Variants in DENND2A observed in about 807,000 individuals in gnomAD.
DENND2A encodes the protein DENN domain-containing protein 2A.
In DENND2A, 53 loss-of-function variants were observed where a neutral mutation model predicts 105.3. The ratio of observed to expected loss-of-function variants is 0.50; its 90% CI spans 0.40 to 0.63. The LOEUF (loss-of-function observed/expected upper bound fraction) is 0.63, where lower values mean the gene tolerates loss of function less well. Ranked by LOEUF, DENND2A falls within the 30% of genes least tolerant of loss-of-function variation. DENND2A has a pLI of 0.00. For synonymous variants in DENND2A, 522 were observed against 508.4 expected, an observed-to-expected ratio of 1.03 and a Z score of -0.36; for missense variants, 1,138 against 1,279.6, an observed-to-expected ratio of 0.89 and a Z score of 1.69.
intron 14 of DENND2A, among the ~76,000 whole-genome samples, chr7:140,541,385 C>T (rs1796651736): frequency 6.6e-6 from 1 of 152,124 alleles, no homozygotes; most frequent in African/African-American, 2.4e-5. Flanking sequence ...CATCTTCACC[C>T]CGCAGGCACG....
intron 18 of DENND2A, among the ~76,000 whole-genome samples, chr7:140,520,590 G>A (rs563166985): frequency 7.9e-5 from 12 of 151,144 alleles, no homozygotes; most frequent in East Asian, 7.8e-4. Context: ...ATAGAGTTTC[G>A]CTGTGTCACC....
chr7:140,595,190 A>G (rs935926533), intron 3 of DENND2A, among the ~76,000 whole-genome samples: 2 of 151,902 alleles, frequency 1.3e-5, no homozygotes, highest in African/African-American at 4.8e-5. Flanking sequence ...TGTTTTTAGT[A>G]GAGACAGAGT....
At chr7:140,633,190 G>A (rs1290321827) in intron 1 of DENND2A, among the ~76,000 whole-genome samples, 2 of 152,008 alleles carry the variant, frequency 1.3e-5, no homozygotes, top group Non-Finnish European at 2.9e-5. Flanking sequence ...CACCATGCCC[G>A]ACTAATTTTT....
chr7:140,540,866 C>T (rs572196570), intron 14 of DENND2A, among the ~76,000 whole-genome samples: 3 of 152,168 alleles, frequency 2.0e-5, no homozygotes, highest in South Asian at 2.1e-4. Flanking sequence ...TACAGGTGCA[C>T]GCCACCACGA....
Position 140,527,908 on chromosome 7 carries a change from TA to T in DENND2A, c.2328-414del, listed in dbSNP as rs1282127974. 1.4e-4 allele frequency among the ~76,000 whole-genome samples: 22 copies of T among 152,076 alleles called. No individual in the cohort carries two copies. Among genetic ancestry groups the T allele is most frequent in the African/African-American group, 5.1e-4 (21 of 41,414 alleles). On this transcript the variant is annotated intron_variant, in intron 14 of 19. Transcript: ENST00000496613. The surrounding 1 kb of genome is among the most constrained non-coding windows in gnomAD (Gnocchi z 4.9). The stretch of plus-strand genomic sequence containing the variant: ...GGGGTGCAGTGGCGTGATTTGGGCT[TA>T]CTGCAACCTCTGCCTCCCAGGTTCA...
intron 1 of DENND2A, among the ~76,000 whole-genome samples, chr7:140,621,969 G>A (rs73165444): frequency 0.071 from 10,761 of 152,202 alleles, 499 homozygotes; most frequent in South Asian, 0.16. Context: ...AGGAGGAGAC[G>A]CCCAAATGAT....
intron 1 of DENND2A, among the ~76,000 whole-genome samples, chr7:140,619,034 G>A (rs374211614): frequency 6.6e-6 from 1 of 152,078 alleles, no homozygotes; most frequent in Admixed American, 6.6e-5. Flanking sequence ...TCCTGACCTC[G>A]TGATCTGCCC....
In DENND2A at chr7:140,527,518, G is replaced by C. The variant is rs531979786; in HGVS notation, c.2328-23C>G. 1 of 1,574,832 alleles carries C rather than the reference G, an allele frequency of 6.3e-7. No individual in the cohort carries two copies. The highest frequency in any genetic ancestry group is 1.8e-5 in the Admixed American group (1 of 56,300). On this transcript the variant is annotated intron_variant, in intron 14 of 19. Transcript: ENST00000496613. This position sits in a 1 kb window ranked among gnomAD's most constrained non-coding sequence, Gnocchi z 4.9. ...ATGCTGCAGCCGGGGAGAGAACAGG[G>C]AGAGAGGCCGACTCAGCGAGGGCCC...
Position 140,586,367 on chromosome 7 carries a change from AC to A in DENND2A, c.1124-658del, listed in dbSNP as rs1056130514. Among the ~76,000 whole-genome samples the A allele has an allele frequency of 7.1e-3, 150 of 21,204 alleles. No individual in the cohort carries two copies. In the African/African-American group the frequency reaches 0.09, roughly 13 times the overall value. The allele number at this position is 21,204 out of a possible 152,430, so 13.9% of individuals were successfully genotyped here. A position where few individuals can be genotyped will look rare whatever the true frequency, so the allele number is the denominator to read the frequency against. Reference sequence around the variant, plus strand: ...AACCCCGTCCCTCCTAAAAAAGAAAACACACACACACACACACACACACACA... The same window carrying A: ...AACCCCGTCCCTCCTAAAAAAGAAAAACACACACACACACACACACACACA... On this transcript the variant is annotated intron_variant, in intron 4 of 19. Transcript: ENST00000496613.
At chr7:140,534,001 C>T (rs1405489080) in intron 14 of DENND2A, among the ~76,000 whole-genome samples, 1 of 151,982 alleles carries the variant, frequency 6.6e-6, no homozygotes, top group African/African-American at 2.4e-5. Context: ...GCAACCTCCA[C>T]CTCCTGGGTT....
intron 1 of DENND2A, among the ~76,000 whole-genome samples, chr7:140,633,953 C>CTAGATAAA (rs1800826858): frequency 6.6e-6 from 1 of 151,730 alleles, no homozygotes; most frequent in Non-Finnish European, 1.5e-5. Flanking sequence ...TAATATTTTT[C>CTAGATAAA]TAAGATAAAT....
chr7:140,598,421 G>A (rs1348979918), intron 3 of DENND2A, among the ~76,000 whole-genome samples: 1 of 152,214 alleles, frequency 6.6e-6, no homozygotes, highest in Non-Finnish European at 1.5e-5. Flanking sequence ...ACTGTACGCT[G>A]CTTTCAGCAC....
chr7:140,570,324 C>T (rs1350447125), intron 6 of DENND2A, among the ~76,000 whole-genome samples: 1 of 152,202 alleles, frequency 6.6e-6, no homozygotes, highest in Non-Finnish European at 1.5e-5. Flanking sequence ...GGGGAGACAG[C>T]CCATTGCTCA....
intron 13 of DENND2A, 107 bp downstream of exon 13, chr7:140,546,692 C>T: frequency 7.1e-7 from 1 of 1,407,792 alleles, no homozygotes; most frequent in Non-Finnish European, 9.6e-7. Context: ...GGGGAGAAGA[C>T]ACCAAGGAAT....
chr7:140,592,443 C>T (rs558815074), intron 3 of DENND2A, among the ~76,000 whole-genome samples: 10 of 151,960 alleles, frequency 6.6e-5, no homozygotes, highest in South Asian at 2.1e-4. Flanking sequence ...GATCTCCTGA[C>T]GTTGTGATCT....
At chr7:140,572,512 C>T (rs569643983) in intron 6 of DENND2A, among the ~76,000 whole-genome samples, 49 of 151,856 alleles carry the variant, frequency 3.2e-4, no homozygotes, top group Admixed American at 2.7e-3. Context: ...CCTGTAATCC[C>T]AGCACTTTGG....
chr7:140,527,273 C>G lies in DENND2A; in HGVS notation c.2505+45G>C. 2 of 1,520,702 alleles carry G rather than the reference C, an allele frequency of 1.3e-6. No homozygotes were observed. The highest frequency in any genetic ancestry group is 1.8e-6 in the Non-Finnish European group (2 of 1,129,890). 94.2% of individuals were successfully genotyped at this position (1,520,702 alleles called of 1,614,324 possible). ...TGCAGAGCCAGCGCCCCGCTCTGTTCTCCGCACCCTGCAGGGAGGGGGACA... is the reference window on the plus strand; with the variant it reads ...TGCAGAGCCAGCGCCCCGCTCTGTTGTCCGCACCCTGCAGGGAGGGGGACA... On this transcript the variant is annotated intron_variant, in intron 15 of 19. Coordinates refer to ENST00000496613, the MANE Select transcript of DENND2A (RefSeq NM_015689.5). The surrounding 1 kb of genome is among the most constrained non-coding windows in gnomAD (Gnocchi z 4.9).
intron 9 of DENND2A, among the ~76,000 whole-genome samples, chr7:140,565,041 T>C (rs1209402821): frequency 6.6e-6 from 1 of 152,192 alleles, no homozygotes; most frequent in East Asian, 1.9e-4. Flanking sequence ...CCGGTGCCTA[T>C]GGTTTACTTC....
At chr7:140,536,177 A>C (rs1796449415) in intron 14 of DENND2A, among the ~76,000 whole-genome samples, 1 of 151,736 alleles carries the variant, frequency 6.6e-6, no homozygotes, top group South Asian at 2.1e-4. Context: ...ACATAGTGAA[A>C]CCCCGTCTCT....
Sources: gnomAD v4.1 joint callset for allele counts (sites outside exome capture counted in the v4.1 genomes callset) on GRCh38, gnomAD v4.1.1 for gene constraint, Gnocchi (gnomAD v3.1) non-coding constraint, MANE v1.5 for transcripts, NCBI Gene and HGNC (gene_info 2026-07-23, HGNC 2026-07-21) for gene names.